RIT2: variants seen among roughly 807,000 people sequenced by gnomAD.
RIT2 encodes Ras like without CAAX 2, also known as GTP-binding protein Rit2.
Under a neutral mutation model 23.7 loss-of-function variants are expected in RIT2, and 24 were observed. The ratio of observed to expected loss-of-function variants is 1.01; its 90% CI spans 0.73 to 1.43. The LOEUF (loss-of-function observed/expected upper bound fraction) is 1.43. Among genes scored for constraint, RIT2 ranks in the 40% most tolerant of loss-of-function variants. RIT2 has a pLI of 0.00. For synonymous variants in RIT2, 107 were observed against 91.1 expected (o/e 1.17, Z -0.99); for missense variants, 236 against 266.9 (o/e 0.88, Z 0.81).
chr18:42,922,580 G>T (rs1270833520), intron 4 of RIT2, among the ~76,000 whole-genome samples: 1 of 152,090 alleles, frequency 6.6e-6, no homozygotes, highest in Non-Finnish European at 1.5e-5. Context: ...GATATGATTT[G>T]CCTGATTCTT....
chr18:42,932,244 G>C (rs976415232), intron 3 of RIT2, among the ~76,000 whole-genome samples: 2 of 152,086 alleles, frequency 1.3e-5, no homozygotes, highest in Admixed American at 6.6e-5. Flanking sequence ...TTAAGTGCTG[G>C]ATATACTTCA....
At chr18:42,915,494 G>GA (rs1234394731) in intron 4 of RIT2, among the ~76,000 whole-genome samples, 1 of 152,036 alleles carries the variant, frequency 6.6e-6, no homozygotes, top group East Asian at 1.9e-4. Flanking sequence ...TCCTTAAAAA[G>GA]AAACAAGCTT....
At chr18:43,088,820 A>G (rs1034070636) in intron 1 of RIT2, among the ~76,000 whole-genome samples, 2 of 152,236 alleles carry the variant, frequency 1.3e-5, no homozygotes, top group East Asian at 1.9e-4. Flanking sequence ...TCTATGTTCA[A>G]TGTTCTCCTT....
chr18:42,979,349 A>G (rs1000068650), intron 2 of RIT2, among the ~76,000 whole-genome samples: 1 of 152,110 alleles, frequency 6.6e-6, no homozygotes, highest in African/African-American at 2.4e-5. Context: ...TCATTAAATG[A>G]TTTTCAAATA....
At chr18:42,874,919 G>A (rs918533552) in intron 4 of RIT2, among the ~76,000 whole-genome samples, 2 of 152,088 alleles carry the variant, frequency 1.3e-5, no homozygotes, top group Non-Finnish European at 2.9e-5. Flanking sequence ...TCACACTGCA[G>A]AGCCAGGAAT....
At chr18:42,803,552 G>A (rs547148937) in intron 4 of RIT2, among the ~76,000 whole-genome samples, 3 of 152,238 alleles carry the variant, frequency 2.0e-5, no homozygotes, top group African/African-American at 7.2e-5. Context: ...TTTCCTGTTA[G>A]TTTTCTGTAA....
chr18:43,007,652 T>G (rs1047467300), intron 2 of RIT2, among the ~76,000 whole-genome samples: 3 of 151,668 alleles, frequency 2.0e-5, no homozygotes, highest in African/African-American at 7.2e-5. Flanking sequence ...TGGCAAAAGA[T>G]AAGGCAATTG....
intron 4 of RIT2, among the ~76,000 whole-genome samples, chr18:42,747,566 A>G (rs1912947698): frequency 6.6e-6 from 1 of 152,104 alleles, no homozygotes; most frequent in Non-Finnish European, 1.5e-5. Context: ...ATATGGAAGC[A>G]AAAAGGAGAG....
At chr18:42,780,194 G>T (rs1913778828) in intron 4 of RIT2, among the ~76,000 whole-genome samples, 1 of 151,166 alleles carries the variant, frequency 6.6e-6, no homozygotes, top group South Asian at 2.1e-4. Context: ...TATAGTCAAA[G>T]ACATAAATCA....
intron 3 of RIT2, among the ~76,000 whole-genome samples, chr18:42,953,362 G>A (rs1568038614): frequency 6.6e-6 from 1 of 152,038 alleles, no homozygotes. Flanking sequence ...GATTAGAAAG[G>A]AAAGATACTT....
At chr18:42,975,285 G>A (rs558504988) in intron 2 of RIT2, among the ~76,000 whole-genome samples, 1 of 152,026 alleles carries the variant, frequency 6.6e-6, no homozygotes, top group African/African-American at 2.4e-5. Context: ...TAACCATGTG[G>A]ATTTTGTTTT....
intron 4 of RIT2, among the ~76,000 whole-genome samples, chr18:42,747,159 ACT>A (rs1912937079): frequency 6.6e-6 from 1 of 151,950 alleles, no homozygotes; most frequent in South Asian, 2.1e-4. Context: ...AACCCTAAAG[ACT>A]CTTCCAAAAA....
At chr18:42,966,041 G>T (rs1910216447) in intron 3 of RIT2, among the ~76,000 whole-genome samples, 1 of 152,022 alleles carries the variant, frequency 6.6e-6, no homozygotes, top group Admixed American at 6.5e-5. Flanking sequence ...CCTCTTCTGA[G>T]CCCCAGTGTC....
intron 4 of RIT2, among the ~76,000 whole-genome samples, chr18:42,807,881 T>C (rs2143970972): frequency 6.6e-6 from 1 of 151,660 alleles, no homozygotes; most frequent in African/African-American, 2.4e-5. Flanking sequence ...CAGCAGGTAA[T>C]GGTGTAGGTA....
chr18:43,039,627 C>T (rs560943839), intron 1 of RIT2, among the ~76,000 whole-genome samples: 2 of 152,192 alleles, frequency 1.3e-5, no homozygotes, highest in Admixed American at 6.5e-5. Context: ...GGATTACAGG[C>T]GTGAGCCACC....
At chr18:42,795,127 C>T (rs1413957396) in intron 4 of RIT2, among the ~76,000 whole-genome samples, 2 of 152,252 alleles carry the variant, frequency 1.3e-5, no homozygotes, top group African/African-American at 4.8e-5. Context: ...ACCTCCTCTG[C>T]CTGGGCTCCC....
intron 2 of RIT2, among the ~76,000 whole-genome samples, chr18:42,999,205 C>T (rs1304433209): frequency 1.3e-5 from 2 of 152,016 alleles, no homozygotes. Context: ...AGGCTGACCT[C>T]TGCTTATGCT....
intron 2 of RIT2, among the ~76,000 whole-genome samples, chr18:42,996,195 C>T (rs1910979736): frequency 6.6e-6 from 1 of 152,030 alleles, no homozygotes; most frequent in Non-Finnish European, 1.5e-5. Flanking sequence ...TTCTAACAGT[C>T]CCACAATATC....
intron 3 of RIT2, among the ~76,000 whole-genome samples, chr18:42,929,034 GAT>G (rs770619793): frequency 0.013 from 1,269 of 96,934 alleles, 39 homozygotes; most frequent in African/African-American, 0.043. Flanking sequence ...AAAATATGGA[GAT>G]ATATATATAT....
Sources: allele counts gnomAD v4.1 joint callset (sites outside exome capture counted in the v4.1 genomes callset), GRCh38; gene constraint gnomAD v4.1.1; transcripts MANE v1.5; gene names NCBI Gene and HGNC (gene_info 2026-07-23, HGNC 2026-07-21).